Variants in NDUFB5 observed in about 807,000 individuals in gnomAD.
NDUFB5 encodes the protein NADH:ubiquinone oxidoreductase subunit B5, also known as NADH dehydrogenase [ubiquinone] 1 beta subcomplex subunit 5, mitochondrial.
A neutral mutation model predicts 19.4 loss-of-function variants in NDUFB5; 19 were observed. The ratio of observed to expected loss-of-function variants is 0.98; its 90% CI spans 0.68 to 1.43. The LOEUF is 1.43. NDUFB5 is among the 40% of genes most tolerant of loss of function. The probability of loss-of-function intolerance (pLI) is 0.00; values close to 1 mark genes in which losing one functional copy is unlikely to be tolerated. For missense variants in NDUFB5, 233 were observed against 236.5 expected (o/e 0.99, Z 0.10); for synonymous variants, 80 against 82.6 (o/e 0.97, Z 0.17).
chr3:179,617,098 A>G (rs1719401464), intron 4 of NDUFB5, 54 bp downstream of exon 4: 4 of 1,302,242 alleles, frequency 3.1e-6, no homozygotes, highest in Non-Finnish European at 1.1e-6. Context: ...TCAACGCACT[A>G]GTTAATGTCT....
At chr3:179,608,295 G>A (rs1200298028) in intron 1 of NDUFB5, among the ~76,000 whole-genome samples, 7 of 151,886 alleles carry the variant, frequency 4.6e-5, no homozygotes, top group Admixed American at 2.0e-4. Context: ...GGGTTCAGGC[G>A]ATTCTCCTGC....
intron 2 of NDUFB5, chr3:179,615,290 G>C (rs1391560710): frequency 3.1e-6 from 1 of 317,738 alleles, no homozygotes; most frequent in African/African-American, 2.1e-5. Flanking sequence ...GGTAAAACTT[G>C]AACCATTCCT....
intron 1 of NDUFB5, among the ~76,000 whole-genome samples, chr3:179,612,341 A>G (rs1357405172): frequency 1.3e-5 from 2 of 151,676 alleles, no homozygotes; most frequent in Admixed American, 1.3e-4. Flanking sequence ...AAAAAAAGTT[A>G]CATGCTATGA....
intron 1 of NDUFB5, among the ~76,000 whole-genome samples, chr3:179,605,381 T>C (rs1719057644): frequency 1.3e-5 from 2 of 152,156 alleles, no homozygotes; most frequent in Non-Finnish European, 1.5e-5. Context: ...GGCCAACTTA[T>C]TCTTTAGGCA....
At chr3:179,611,648 C>T (rs1213862740) in intron 1 of NDUFB5, among the ~76,000 whole-genome samples, 3 of 152,094 alleles carry the variant, frequency 2.0e-5, no homozygotes, top group Non-Finnish European at 4.4e-5. Flanking sequence ...GATCCGCCCG[C>T]CTCAGCCTCC....
chr3:179,615,369 C>T, intron 2 of NDUFB5: 1 of 254,844 alleles, frequency 3.9e-6, no homozygotes, highest in Non-Finnish European at 8.0e-6. Context: ...CTTTAAATTA[C>T]CAAAGAACTT....
At chr3:179,619,233 T>C (rs1314342355) in intron 5 of NDUFB5, among the ~76,000 whole-genome samples, 1 of 149,184 alleles carries the variant, frequency 6.7e-6, no homozygotes, top group Non-Finnish European at 1.5e-5. Context: ...CTTTAAGTTT[T>C]AGGGTACATG....
chr3:179,623,179 A>G (rs963793497), intron 5 of NDUFB5, among the ~76,000 whole-genome samples: 1 of 152,230 alleles, frequency 6.6e-6, no homozygotes, highest in Non-Finnish European at 1.5e-5. Context: ...TGAAACTCCA[A>G]AAAAGCTTAT....
chr3:179,623,422 C>T (rs536301666), intron 5 of NDUFB5, among the ~76,000 whole-genome samples: 1 of 152,292 alleles, frequency 6.6e-6, no homozygotes, highest in African/African-American at 2.4e-5. Flanking sequence ...CCTGTAATCC[C>T]AGCACTTTGG....
intron 1 of NDUFB5, among the ~76,000 whole-genome samples, chr3:179,610,005 G>A (rs546567586): frequency 4.8e-4 from 73 of 152,178 alleles, no homozygotes; most frequent in African/African-American, 1.7e-3. Context: ...GAACTTGAAC[G>A]CCTGGACTCA....
chr3:179,616,956 T>C (rs746907630), intron 3 of NDUFB5, 27 bp from the exon 4 acceptor site: 2 of 1,576,392 alleles, frequency 1.3e-6, no homozygotes, highest in East Asian at 4.5e-5. Flanking sequence ...CATGCTAAAG[T>C]TAAACATAAC....
At position 179,624,029 on chromosome 3, in the gene NDUFB5, C is replaced by G; in HGVS notation, c.559C>G (p.Pro187Ala). The change falls in exon 6 of 6, where the codon CCT becomes GCT. Residue 187 changes from proline to alanine, a missense_variant. Transcript: ENST00000259037. ...ELIDHSPKAT[P>A]DN is the part of the protein sequence containing the mutation. Reference sequence around the variant, plus strand: ...TATTGATCATTCTCCGAAAGCAACTCCTGACAATTAAGCATTTTTTTCTCC... The same window carrying G: ...TATTGATCATTCTCCGAAAGCAACTGCTGACAATTAAGCATTTTTTTCTCC... 6.2e-7 allele frequency: 1 copy of G among 1,613,254 alleles called. No individual in the cohort carries two copies. Among genetic ancestry groups the G allele is most frequent in the East Asian group, 2.2e-5 (1 of 44,826 alleles).
At chr3:179,613,411 T>TA (rs1719297888) in intron 1 of NDUFB5, among the ~76,000 whole-genome samples, 1 of 152,186 alleles carries the variant, frequency 6.6e-6, no homozygotes, top group Non-Finnish European at 1.5e-5. Flanking sequence ...TTGTTACCCT[T>TA]ACAGATTTGT....
At chr3:179,616,168 C>A in intron 3 of NDUFB5, 119 bp downstream of exon 3, 3 of 734,686 alleles carry the variant, frequency 4.1e-6, no homozygotes, top group South Asian at 3.7e-5. Context: ...AATAATTAAG[C>A]ATAAGCATGG....
rs1576881822 is a variant in NDUFB5 at position 179,616,155 on chromosome 3, T to C, written c.280+106T>C. On this transcript the variant is annotated intron_variant, in intron 3 of 5. Transcript: ENST00000259037. ...TATGGATATTGTAATGAAAAGCTCT[T>C]TAAATAATTAAGCATAAGCATGGCA... is the stretch of plus-strand genomic sequence containing the variant. 3.7e-6 allele frequency: 3 copies of C among 812,978 alleles called. No individual in the cohort carries two copies. The East Asian group carries it at 8.1e-5, about 22-fold the overall frequency. The allele number at this position is 812,978 out of a possible 1,614,324, so 50.4% of individuals were successfully genotyped here.
intron 1 of NDUFB5, among the ~76,000 whole-genome samples, chr3:179,607,497 A>C (rs928846048): frequency 6.6e-6 from 1 of 152,232 alleles, no homozygotes; most frequent in Non-Finnish European, 1.5e-5. Context: ...TGAGAATTTT[A>C]ACCTGCCTCA....
At chr3:179,618,066 C>A (rs1005626744) in intron 4 of NDUFB5, among the ~76,000 whole-genome samples, 6 of 152,158 alleles carry the variant, frequency 3.9e-5, no homozygotes, top group Non-Finnish European at 7.3e-5. Context: ...CAAAGAGCTC[C>A]ATTTTTGAAT....
At chr3:179,611,263 A>G (rs532101524) in intron 1 of NDUFB5, among the ~76,000 whole-genome samples, 1 of 152,346 alleles carries the variant, frequency 6.6e-6, no homozygotes, top group Non-Finnish European at 1.5e-5. Flanking sequence ...GAAATGGAGA[A>G]TTTAACTCTT....
At chr3:179,611,986 A>AT (rs1053467578) in intron 1 of NDUFB5, among the ~76,000 whole-genome samples, 9 of 149,606 alleles carry the variant, frequency 6.0e-5, no homozygotes, top group South Asian at 4.2e-4. Flanking sequence ...TAATAATTTA[A>AT]TTTTTTTTTG....
Sources: allele counts gnomAD v4.1 joint callset (sites outside exome capture counted in the v4.1 genomes callset), GRCh38; gene constraint gnomAD v4.1.1; transcripts MANE v1.5; gene names NCBI Gene and HGNC (gene_info 2026-07-23, HGNC 2026-07-21).